LRRIQ3: variants seen among roughly 807,000 people sequenced by gnomAD.
LRRIQ3 encodes the protein leucine-rich repeat and IQ domain-containing protein 3.
LRRIQ3 carries 75 observed loss-of-function variants against 59.3 expected under a neutral mutation model. The ratio of observed to expected loss-of-function variants is 1.26; its 90% confidence interval spans 1.05 to 1.53. The LOEUF (loss-of-function observed/expected upper bound fraction) is 1.53. Ranked by LOEUF, LRRIQ3 falls within the 40% of genes most tolerant of loss-of-function variation. The pLI is 0.00. For synonymous variants in LRRIQ3, 250 were observed against 231.3 expected, an observed-to-expected ratio of 1.08 and a Z score of -0.73; for missense variants, 831 against 710.0, an observed-to-expected ratio of 1.17 and a Z score of -1.94.
chr1:74,188,587 T>A (rs1353846107), intron 1 of LRRIQ3, among the ~76,000 whole-genome samples: 1 of 152,162 alleles, frequency 6.6e-6, no homozygotes, highest in Non-Finnish European at 1.5e-5. Context: ...CCCAATTTAG[T>A]GATTACATAT....
At chr1:74,116,887 C>T (rs1169303839) in intron 4 of LRRIQ3, among the ~76,000 whole-genome samples, 1 of 151,902 alleles carries the variant, frequency 6.6e-6, no homozygotes. Context: ...TATAAAGACC[C>T]ATAATTCAAA....
At chr1:74,048,815 G>A (rs1654279318) in intron 6 of LRRIQ3, among the ~76,000 whole-genome samples, 1 of 152,066 alleles carries the variant, frequency 6.6e-6, no homozygotes, top group Non-Finnish European at 1.5e-5. Context: ...ACATAAAATT[G>A]AATGTTTGTT....
At chr1:74,185,468 T>A (rs976030645) in intron 1 of LRRIQ3, among the ~76,000 whole-genome samples, 18 of 152,322 alleles carry the variant, frequency 1.2e-4, no homozygotes, top group East Asian at 7.7e-4. Context: ...TCTGTTCAGA[T>A]CTTTTGTCCA....
chr1:74,061,289 A>T (rs536684358), intron 6 of LRRIQ3, among the ~76,000 whole-genome samples: 1 of 152,156 alleles, frequency 6.6e-6, no homozygotes, highest in East Asian at 1.9e-4. Context: ...GAAATGACAC[A>T]AACAAATGGA....
chr1:74,062,090 A>G (rs1203895756), intron 6 of LRRIQ3, among the ~76,000 whole-genome samples: 1 of 152,080 alleles, frequency 6.6e-6, no homozygotes, highest in Admixed American at 6.6e-5. Flanking sequence ...TTCTTCTGCA[A>G]GGCAAAATAA....
chr1:74,083,279 C>T (rs923418390), intron 5 of LRRIQ3: 1 of 151,638 alleles, frequency 6.6e-6, no homozygotes, highest in African/African-American at 2.4e-5. Context: ...TAACTTTATG[C>T]CTACTGCTCT....
intron 6 of LRRIQ3, among the ~76,000 whole-genome samples, chr1:74,054,304 C>G (rs1251915770): frequency 1.3e-5 from 2 of 151,830 alleles, no homozygotes; most frequent in African/African-American, 4.8e-5. Flanking sequence ...ATTCCAGATA[C>G]TGGTATACAA....
chr1:74,147,637 T>A (rs1557639952), intron 4 of LRRIQ3, among the ~76,000 whole-genome samples: 3 of 152,208 alleles, frequency 2.0e-5, no homozygotes, highest in Admixed American at 2.0e-4. Context: ...AAACATGTTT[T>A]GGATACAGTT....
chr1:74,076,002 C>T (rs780753658), intron 5 of LRRIQ3, among the ~76,000 whole-genome samples: 3 of 152,188 alleles, frequency 2.0e-5, no homozygotes, highest in Admixed American at 1.3e-4. Context: ...GCCCCACATC[C>T]GGCTATGAAG....
At chr1:74,055,681 AT>A (rs1488706439) in intron 6 of LRRIQ3, among the ~76,000 whole-genome samples, 4 of 152,142 alleles carry the variant, frequency 2.6e-5, no homozygotes, top group South Asian at 2.1e-4. Context: ...TTCATATACA[AT>A]TTTTATGTGG....
chr1:74,188,104 C>T (rs141110428), intron 1 of LRRIQ3, among the ~76,000 whole-genome samples: 8 of 152,226 alleles, frequency 5.3e-5, no homozygotes, highest in African/African-American at 1.9e-4. Context: ...AGAATGAGAT[C>T]ATGTCCTTTA....
intron 7 of LRRIQ3, among the ~76,000 whole-genome samples, chr1:74,037,095 C>A (rs529593090): frequency 1.3e-5 from 2 of 151,962 alleles, no homozygotes; most frequent in African/African-American, 2.4e-5. Context: ...TTATATACAA[C>A]CTTTACTAAT....
intron 6 of LRRIQ3, among the ~76,000 whole-genome samples, chr1:74,059,502 T>C (rs1654637930): frequency 1.3e-5 from 2 of 152,096 alleles, no homozygotes; most frequent in East Asian, 1.9e-4. Context: ...GACTATTCTT[T>C]CCTCAATAAA....
intron 3 of LRRIQ3, among the ~76,000 whole-genome samples, chr1:74,161,504 A>T (rs1347500407): frequency 6.6e-6 from 1 of 151,980 alleles, no homozygotes; most frequent in East Asian, 1.9e-4. Flanking sequence ...CCTGTGGCTT[A>T]GGATTAAAGG....
Position 74,074,800 on chromosome 1 carries a change from T to C in LRRIQ3, c.868-10A>G. 8.0e-7 allele frequency: 1 copy of C among 1,248,026 alleles called. No homozygotes were observed. Among genetic ancestry groups the C allele is most frequent in the African/African-American group, 1.6e-5 (1 of 64,150 alleles). 77.3% of individuals were successfully genotyped at this position (1,248,026 alleles called of 1,614,324 possible). Reference sequence around the variant, plus strand: ...CAGGATAATATATATTCTGTGAAAATAAAATAAAAGCAATGACAATGATAA... The same window carrying C: ...CAGGATAATATATATTCTGTGAAAACAAAATAAAAGCAATGACAATGATAA... On this transcript the variant is annotated splice_polypyrimidine_tract_variant and intron_variant, in intron 5 of 7. Transcript: ENST00000354431.
intron 3 of LRRIQ3, among the ~76,000 whole-genome samples, chr1:74,172,360 T>C (rs1274043316): frequency 6.6e-6 from 1 of 152,196 alleles, no homozygotes; most frequent in Non-Finnish European, 1.5e-5. Flanking sequence ...TTTGACTCAA[T>C]AGTTGTTTAA....
intron 5 of LRRIQ3, among the ~76,000 whole-genome samples, chr1:74,087,841 G>A (rs1646345773): frequency 6.6e-6 from 1 of 152,074 alleles, no homozygotes; most frequent in Non-Finnish European, 1.5e-5. Context: ...GCTCACAGCT[G>A]TAATCTCAGC....
In LRRIQ3 at chr1:74,084,062, G is replaced by C. The variant is rs544303642; in HGVS notation, c.868-9272C>G. ...CTCTTTTCAACTTTACACTTATCTT[G>C]TGTGTACAGCTGATATCCCTAGTGT... On this transcript the variant is annotated intron_variant, in intron 5 of 7. Transcript: ENST00000354431. 1.8e-5 allele frequency: 17 copies of C among 940,170 alleles called. No homozygotes were observed. In the South Asian group the frequency reaches 3.6e-4, roughly 20 times the overall value. The allele number at this position is 940,170 out of a possible 1,614,324, so 58.2% of individuals were successfully genotyped here.
At chr1:74,168,898 TTTTTA>T (rs1407224483) in intron 3 of LRRIQ3, among the ~76,000 whole-genome samples, 1 of 152,146 alleles carries the variant, frequency 6.6e-6, no homozygotes, top group Non-Finnish European at 1.5e-5. Context: ...TCTTGTGTCA[TTTTTA>T]TTTTCTTTTG....
Sources: gnomAD v4.1 joint callset for allele counts (sites outside exome capture counted in the v4.1 genomes callset) on GRCh38, gnomAD v4.1.1 for gene constraint, MANE v1.5 for transcripts, NCBI Gene and HGNC (gene_info 2026-07-23, HGNC 2026-07-21) for gene names.